The following OPHN1 variants were observed in gnomAD, a reference collection of about 807,000 sequenced individuals.
The protein encoded by OPHN1 is oligophrenin-1.
In OPHN1, 11 loss-of-function variants were observed where a neutral mutation model predicts 60.7. That is an observed-to-expected ratio of 0.18 (90% CI 0.11 to 0.30). OPHN1 has a LOEUF of 0.30. Ranked by LOEUF, OPHN1 falls within the 10% of genes least tolerant of loss-of-function variation. The pLI is 1.00. For synonymous variants in OPHN1, 226 were observed against 222.6 expected (o/e 1.02, Z -0.14); for missense variants, 449 against 611.0 (o/e 0.73, Z 2.80).
At chrX:68,071,329 GCTTC>G (rs2076933536) in intron 20 of OPHN1, 6 of 756,119 alleles carry the variant, frequency 7.9e-6, no homozygotes, top group Non-Finnish European at 1.2e-5. Flanking sequence ...AGCTCGGAAA[GCTTC>G]TATTTTGGCG....
intron 5 of OPHN1, among the ~76,000 whole-genome samples, chrX:68,262,731 G>A (rs2077899744): frequency 8.9e-6 from 1 of 111,970 alleles, no homozygotes; most frequent in African/African-American, 3.3e-5. Flanking sequence ...AGGTTGCGGT[G>A]AGCTGAGATC....
chrX:68,051,075 C>T (rs763951429), intron 23 of OPHN1, among the ~76,000 whole-genome samples: 5 of 111,805 alleles, frequency 4.5e-5, no homozygotes, highest in African/African-American at 1.6e-4. Flanking sequence ...GAATGAACTG[C>T]TGTGCAGAAT....
At chrX:68,228,057 T>C (rs974773832) in intron 6 of OPHN1, among the ~76,000 whole-genome samples, 2 of 110,849 alleles carry the variant, frequency 1.8e-5, no homozygotes, top group African/African-American at 6.6e-5. Context: ...ATAGTTGCAA[T>C]AAAAAATGAT....
At chrX:68,093,987 C>T (rs946940972) in intron 19 of OPHN1, among the ~76,000 whole-genome samples, 1 of 109,812 alleles carries the variant, frequency 9.1e-6, no homozygotes, top group Admixed American at 9.7e-5. Context: ...TCAATAAGTC[C>T]TAGGCTCTAA....
rs192345663 is a variant in OPHN1 at position 68,078,984 on chromosome X, A to T, written c.1687-5685T>A. On this transcript the variant is annotated intron_variant, in intron 19 of 24. Transcript: ENST00000355520. ...CTGGACAACAGAGCAAGACTGTCTC[A>T]AAATAAATAAATAAATAAATAAATA... Among the ~76,000 whole-genome samples the T allele has an allele frequency of 6.4e-4, 65 of 102,034 alleles. 1 individual carries two copies. The highest frequency in any genetic ancestry group is 2.2e-3 in the African/African-American group (60 of 27,153). 88.6% of individuals were successfully genotyped at this position (102,034 alleles called of 115,157 possible). A position where few individuals can be genotyped will look rare whatever the true frequency, so the allele number is the denominator to read the frequency against.
At chrX:68,123,542 A>G (rs2077158229) in intron 15 of OPHN1, among the ~76,000 whole-genome samples, 2 of 112,209 alleles carry the variant, frequency 1.8e-5, no homozygotes, top group African/African-American at 6.5e-5. Flanking sequence ...AGAGAGTACA[A>G]CAAGACATAA....
chrX:68,357,619 ATATGTGCCACATTT>A (rs1051539817), intron 2 of OPHN1, among the ~76,000 whole-genome samples: 8 of 111,151 alleles, frequency 7.2e-5, no homozygotes, highest in African/African-American at 1.3e-4. Flanking sequence ...TCCATGGTGT[ATATGTGCCACATTT>A]TCTTAATCCA....
At chrX:68,374,992 G>T (rs1013201196) in intron 2 of OPHN1, among the ~76,000 whole-genome samples, 1 of 112,116 alleles carries the variant, frequency 8.9e-6, no homozygotes, top group Non-Finnish European at 1.9e-5. Flanking sequence ...ATAGAGAGAA[G>T]CTGGAATTCT....
At chrX:68,113,858 A>T (rs905232947) in intron 16 of OPHN1, among the ~76,000 whole-genome samples, 20 of 103,388 alleles carry the variant, frequency 1.9e-4, no homozygotes, top group Non-Finnish European at 3.6e-4. Context: ...AGATATACCT[A>T]ATGTTAAATG....
chrX:68,285,753 T>C (rs982818202), intron 3 of OPHN1, among the ~76,000 whole-genome samples: 78 of 110,944 alleles, frequency 7.0e-4, no homozygotes, highest in African/African-American at 2.5e-3. Context: ...TTCACTTGTC[T>C]TTAAATTTGC....
intron 19 of OPHN1, among the ~76,000 whole-genome samples, chrX:68,084,483 T>G (rs973774128): frequency 1.8e-5 from 2 of 108,922 alleles, no homozygotes; most frequent in African/African-American, 6.7e-5. Flanking sequence ...ACCGGAGCAA[T>G]AGGGAGTGAA....
At chrX:68,296,550 C>T (rs1437239391) in intron 3 of OPHN1, among the ~76,000 whole-genome samples, 2 of 105,749 alleles carry the variant, frequency 1.9e-5, no homozygotes, top group African/African-American at 3.4e-5. Flanking sequence ...CCCAGCTACT[C>T]GGGAGGCTCA....
intron 15 of OPHN1, among the ~76,000 whole-genome samples, chrX:68,173,787 G>A (rs1241706169): frequency 9.0e-6 from 1 of 111,468 alleles, no homozygotes; most frequent in African/African-American, 3.3e-5. Context: ...AACCACCATG[G>A]CATGGATGAA....
intron 5 of OPHN1, among the ~76,000 whole-genome samples, chrX:68,249,331 T>C (rs748202186): frequency 8.9e-6 from 1 of 112,187 alleles, no homozygotes; most frequent in South Asian, 3.7e-4. Flanking sequence ...TGTAATGAAA[T>C]GGATACTGAT....
chrX:68,182,789 G>A (rs756380163), intron 15 of OPHN1, among the ~76,000 whole-genome samples: 2 of 111,726 alleles, frequency 1.8e-5, no homozygotes, highest in East Asian at 5.7e-4. Context: ...GCGGGTGCCT[G>A]TAGTCCCAGC....
intron 2 of OPHN1, among the ~76,000 whole-genome samples, chrX:68,386,145 A>G (rs2078623381): frequency 8.9e-6 from 1 of 112,304 alleles, no homozygotes; most frequent in Non-Finnish European, 1.9e-5. Flanking sequence ...CAGTTGGAAT[A>G]AAAATTCTAA....
chrX:68,277,245 T>G (rs1485361399), intron 4 of OPHN1, among the ~76,000 whole-genome samples: 3 of 111,208 alleles, frequency 2.7e-5, no homozygotes, highest in Non-Finnish European at 5.7e-5. Context: ...ACCTAGATCC[T>G]GCATGCCCAG....
chrX:68,289,020 AT>A (rs1310468791), intron 3 of OPHN1, among the ~76,000 whole-genome samples: 11 of 111,159 alleles, frequency 9.9e-5, no homozygotes, highest in African/African-American at 3.6e-4. Context: ...GTGGGAGAGA[AT>A]AGTCATTAAG....
intron 2 of OPHN1, among the ~76,000 whole-genome samples, chrX:68,334,698 G>T (rs955307825): frequency 2.7e-5 from 3 of 111,238 alleles, no homozygotes; most frequent in Non-Finnish European, 5.7e-5. Flanking sequence ...ATTCCTGGCT[G>T]GGTGCAGTGC....
Sources: allele counts gnomAD v4.1 joint callset (sites outside exome capture counted in the v4.1 genomes callset), GRCh38; gene constraint gnomAD v4.1.1; transcripts MANE v1.5; gene names NCBI Gene and HGNC (gene_info 2026-07-23, HGNC 2026-07-21).